IQGAP2: variants seen among roughly 807,000 people sequenced by gnomAD.
The protein encoded by IQGAP2 is IQ motif containing GTPase activating protein 2, also known as ras GTPase-activating-like protein IQGAP2.
Under a neutral mutation model 201.3 loss-of-function variants are expected in IQGAP2, and 173 were observed. That is an observed-to-expected ratio of 0.86 (90% CI 0.76 to 0.98). The LOEUF is 0.98. Among genes scored for constraint, IQGAP2 ranks in the 50% least tolerant of loss-of-function variants. The pLI is 0.00. For synonymous variants in IQGAP2, 675 were observed against 673.9 expected (o/e 1.00, Z -0.03); for missense variants, 1,687 against 1,864.8 (o/e 0.90, Z 1.76).
chr5:76,698,271 A>G lies in IQGAP2; in HGVS notation c.4367+124A>G, dbSNP rs189226047. On this transcript the variant is annotated intron_variant, in intron 33 of 35. Transcript: ENST00000274364. ...TTTTTGCTCTGTCTTCTAACCGAAA[A>G]CTAGAGTCTCAGTTTTATTATTTGC... 4.5e-4 allele frequency: 278 copies of G among 611,996 alleles called. No individual in the cohort carries two copies. The African/African-American group carries it at 4.6e-3, about 10-fold the overall frequency. The allele number at this position is 611,996 out of a possible 1,614,324, so 37.9% of individuals were successfully genotyped here. A position where few individuals can be genotyped will look rare whatever the true frequency, so the allele number is the denominator to read the frequency against.
intron 1 of IQGAP2, among the ~76,000 whole-genome samples, chr5:76,411,550 A>G (rs1433164075): frequency 6.6e-6 from 1 of 152,090 alleles, no homozygotes; most frequent in African/African-American, 2.4e-5. Context: ...GCCCTCCTGA[A>G]TGGGTTAATG....
At chr5:76,619,111 T>C (rs532035666) in intron 13 of IQGAP2, among the ~76,000 whole-genome samples, 3 of 152,342 alleles carry the variant, frequency 2.0e-5, no homozygotes, top group African/African-American at 7.2e-5. Flanking sequence ...TCATGGGATC[T>C]GGGAATGCCA....
intron 17 of IQGAP2, among the ~76,000 whole-genome samples, chr5:76,644,776 A>G (rs974734814): frequency 5.9e-5 from 9 of 152,242 alleles, no homozygotes. Context: ...TAAAACTTAC[A>G]GACTAAAAAA....
intron 9 of IQGAP2, among the ~76,000 whole-genome samples, chr5:76,593,126 C>T (rs186004507): frequency 5.8e-4 from 88 of 152,282 alleles, no homozygotes; most frequent in Middle Eastern, 3.4e-3. Context: ...GATCTCAGTC[C>T]ACACAAAGTA....
At chr5:76,593,005 C>T in intron 9 of IQGAP2, 80 bp downstream of exon 9, 1 of 957,552 alleles carries the variant, frequency 1.0e-6, no homozygotes, top group Non-Finnish European at 1.7e-6. Flanking sequence ...ACACAACTCT[C>T]AATTTGTATA....
chr5:76,689,996 A>G (rs1746125622), intron 30 of IQGAP2, among the ~76,000 whole-genome samples: 1 of 152,188 alleles, frequency 6.6e-6, no homozygotes, highest in Non-Finnish European at 1.5e-5. Context: ...GCTATGATGA[A>G]TAAACTCCCT....
chr5:76,581,864 T>C (rs80019033), intron 5 of IQGAP2, among the ~76,000 whole-genome samples: 1,596 of 152,322 alleles, frequency 0.01, 25 homozygotes, highest in African/African-American at 0.035. Flanking sequence ...ATGGAGTCTG[T>C]GGTGAAATAG....
In IQGAP2 at chr5:76,637,051, T is replaced by C. The variant is rs746075906; in HGVS notation, c.1798T>C (p.Trp600Arg). Residue 600 changes from tryptophan (W) to arginine (R), a missense_variant, in exon 16 of 36, where the codon TGG becomes CGG. Coordinates refer to ENST00000274364, the MANE Select transcript of IQGAP2 (RefSeq NM_006633.5). ...TTCTTTAGTGTCTAGTGACGGTTCA[T>C]GGCTCAAACTCAACCTGCACAAAAA... ...KSERVSSDGS[W>R]LKLNLHKKYD... 6.2e-7 allele frequency: 1 copy of C among 1,609,396 alleles called. No individual in the cohort carries two copies. The highest frequency in any genetic ancestry group is 8.5e-7 in the Non-Finnish European group (1 of 1,177,744).
intron 4 of IQGAP2, among the ~76,000 whole-genome samples, chr5:76,574,366 C>T (rs1202318172): frequency 6.6e-6 from 1 of 152,128 alleles, no homozygotes; most frequent in Non-Finnish European, 1.5e-5. Flanking sequence ...TGCAGTGGCA[C>T]GTGCTTGGCT....
intron 6 of IQGAP2, 55 bp from the exon 7 acceptor site, chr5:76,589,560 A>G (rs1746498421): frequency 3.1e-6 from 3 of 974,720 alleles, no homozygotes; most frequent in Non-Finnish European, 4.6e-6. Context: ...TCCTGCATCC[A>G]TCTCTGTCTG....
rs139102329 is a variant in IQGAP2 at position 76,649,748 on chromosome 5, T to C, written c.2095-3002T>C. ...AGGCAATGCCCCAGTGGGGACTCTG[T>C]GTAGGAGCTCCAACCCCACACTTCT... On this transcript the variant is annotated intron_variant, in intron 17 of 35. Coordinates refer to ENST00000274364, the MANE Select transcript of IQGAP2 (RefSeq NM_006633.5). 2.7e-3 allele frequency among the ~76,000 whole-genome samples: 405 copies of C among 152,298 alleles called. 4 individuals are homozygous for C. The highest frequency in any genetic ancestry group is 9.3e-3 in the African/African-American group (388 of 41,578).
chr5:76,543,199 C>T (rs1203576483), intron 2 of IQGAP2, among the ~76,000 whole-genome samples: 4 of 152,142 alleles, frequency 2.6e-5, no homozygotes, highest in Admixed American at 2.6e-4. Context: ...TTGCACAGAG[C>T]TGGCTGTACT....
At chr5:76,423,416 T>C (rs1232259218) in intron 1 of IQGAP2, among the ~76,000 whole-genome samples, 2 of 150,582 alleles carry the variant, frequency 1.3e-5, no homozygotes, top group African/African-American at 2.4e-5. Flanking sequence ...AGATCAGGAG[T>C]TCAAGACCAG....
chr5:76,629,099 GT>G (rs1384448675), intron 14 of IQGAP2, among the ~76,000 whole-genome samples: 2 of 152,122 alleles, frequency 1.3e-5, no homozygotes, highest in African/African-American at 2.4e-5. Flanking sequence ...GACTATAAAA[GT>G]AAGAGGATTT....
Position 76,675,549 on chromosome 5 carries a change from T to G in IQGAP2, c.3527+840T>G, listed in dbSNP as rs182576146. ...TCACTAATCATTAACAAGAAAGGCA[T>G]GAGTCTGGTAGTCAGATTCACTCCT... On this transcript the variant is annotated intron_variant, in intron 27 of 35. Transcript: ENST00000274364. Among the ~76,000 whole-genome samples the G allele has an allele frequency of 2.8e-3, 423 of 152,328 alleles. 5 individuals carry two copies. The highest frequency in any genetic ancestry group is 0.02 in the Middle Eastern group (6 of 294).
intron 30 of IQGAP2, among the ~76,000 whole-genome samples, chr5:76,690,539 C>T (rs1022826912): frequency 6.6e-6 from 1 of 152,164 alleles, no homozygotes; most frequent in African/African-American, 2.4e-5. Flanking sequence ...CCCTGGAAGG[C>T]AGGCCTCTCA....
chr5:76,570,557 T>C (rs1745041384), intron 3 of IQGAP2, 23 bp from the exon 4 acceptor site: 1 of 1,570,700 alleles, frequency 6.4e-7, no homozygotes, highest in African/African-American at 1.4e-5. Flanking sequence ...TCTCTCCCTT[T>C]TTCCCTCCTA....
At chr5:76,661,527 C>A (rs2161589) in intron 21 of IQGAP2, among the ~76,000 whole-genome samples, 1 of 151,918 alleles carries the variant, frequency 6.6e-6, no homozygotes, top group Non-Finnish European at 1.5e-5. Flanking sequence ...ACCTGAAACT[C>A]AGGACTGAGA....
intron 1 of IQGAP2, among the ~76,000 whole-genome samples, chr5:76,432,128 C>CTTTTTTTTTTTTTTTTTTTTTTTTT (rs70982606): frequency 4.2e-5 from 4 of 95,300 alleles, no homozygotes; most frequent in Admixed American, 1.5e-4. Context: ...TTTCTTTCTT[C>CTTTTTTTTTTTTTTTTTTTTTTTTT]TTTTTTTTTT....
Sources: allele counts gnomAD v4.1 joint callset (sites outside exome capture counted in the v4.1 genomes callset), GRCh38; gene constraint gnomAD v4.1.1; transcripts MANE v1.5; gene names NCBI Gene and HGNC (gene_info 2026-07-23, HGNC 2026-07-21).